The following FGF14 variants were observed in gnomAD, a reference collection of about 807,000 sequenced individuals.
FGF14 encodes the protein fibroblast growth factor 14.
A neutral mutation model predicts 25.5 loss-of-function variants in FGF14; 5 were observed. The ratio of observed to expected loss-of-function variants is 0.20; its 90% confidence interval spans 0.10 to 0.41. The LOEUF (loss-of-function observed/expected upper bound fraction) is 0.41. Among genes scored for constraint, FGF14 ranks in the 10% least tolerant of loss-of-function variants. The pLI is 1.00. For missense variants in FGF14, 222 were observed against 320.1 expected (o/e 0.69, Z 2.34); for synonymous variants, 138 against 118.3 (o/e 1.17, Z -1.08).
At chr13:102,292,278 C>CAAAAAAAAA (rs10593906) in intron 1 of FGF14, 5 of 66,782 alleles carry the variant, frequency 7.5e-5, no homozygotes, top group African/African-American at 2.4e-4. Context: ...TACTCTATAG[C>CAAAAAAAAA]AAAAAAAAAA....
intron 1 of FGF14, among the ~76,000 whole-genome samples, chr13:102,087,575 CTTTTTTTTT>C (rs1166446102): frequency 3.8e-5 from 3 of 79,878 alleles, no homozygotes; most frequent in Admixed American, 1.6e-4. Flanking sequence ...CCATGCCTGG[CTTTTTTTTT>C]TTTTTTTTTT....
intron 1 of FGF14, among the ~76,000 whole-genome samples, chr13:102,083,015 T>G (rs1460264195): frequency 6.6e-6 from 1 of 152,176 alleles, no homozygotes; most frequent in Non-Finnish European, 1.5e-5. Flanking sequence ...ATGAACCAAT[T>G]TTTCTACACA....
At chr13:102,200,603 T>C (rs764352999) in intron 1 of FGF14, among the ~76,000 whole-genome samples, 1 of 133,700 alleles carries the variant, frequency 7.5e-6, no homozygotes, top group African/African-American at 2.9e-5. Context: ...GCAGGTCTTC[T>C]CATTCCCATT....
At position 101,712,267 on chromosome 13, in the gene FGF14, A is replaced by G. The variant is rs1416548719; in HGVS notation, c.*10564T>C. On this transcript the variant is annotated 3_prime_UTR_variant, in exon 5 of 5. Coordinates refer to ENST00000376143, the MANE Select transcript of FGF14 (RefSeq NM_004115.4). ...GCTGACCTAGAAATGCTACTGTTTC[A>G]TGACACATACAAAATCAATCCTCAT... 1 of 152,240 alleles carries G rather than the reference A, an allele frequency of 6.6e-6. No homozygotes were observed. Among genetic ancestry groups the G allele is most frequent in the Non-Finnish European group, 1.5e-5 (1 of 68,046 alleles). 9.4% of individuals were successfully genotyped at this position (152,240 alleles called of 1,614,324 possible).
intron 1 of FGF14, among the ~76,000 whole-genome samples, chr13:102,074,388 C>T (rs547806043): frequency 6.6e-6 from 1 of 152,278 alleles, no homozygotes; most frequent in East Asian, 1.9e-4. Flanking sequence ...ACCCAACTCC[C>T]TACCTGGCGA....
At chr13:102,184,884 G>A (rs965760415) in intron 1 of FGF14, among the ~76,000 whole-genome samples, 8 of 152,068 alleles carry the variant, frequency 5.3e-5, no homozygotes, top group Non-Finnish European at 7.4e-5. Context: ...ATGCACAGAC[G>A]TGCATCATTT....
intron 1 of FGF14, among the ~76,000 whole-genome samples, chr13:102,146,655 T>C (rs2046867328): frequency 6.6e-6 from 1 of 152,164 alleles, no homozygotes; most frequent in African/African-American, 2.4e-5. Flanking sequence ...CAATTCTGAA[T>C]CTCTTAACAT....
intron 3 of FGF14, among the ~76,000 whole-genome samples, chr13:101,835,429 G>A (rs909839127): frequency 7.9e-5 from 12 of 151,932 alleles, no homozygotes; most frequent in African/African-American, 2.4e-4. Flanking sequence ...TCATTTCCCT[G>A]AATATGTTTA....
At chr13:102,319,009 T>C (rs1435723765) in intron 1 of FGF14, among the ~76,000 whole-genome samples, 2 of 152,136 alleles carry the variant, frequency 1.3e-5, no homozygotes, top group African/African-American at 2.4e-5. Context: ...TGAAGACTAT[T>C]GAGGAGAGAA....
intron 1 of FGF14, among the ~76,000 whole-genome samples, chr13:102,156,751 T>C (rs1464750555): frequency 6.6e-6 from 1 of 152,084 alleles, no homozygotes; most frequent in Non-Finnish European, 1.5e-5. Context: ...TGATTGTATA[T>C]CTAGAAAACC....
intron 1 of FGF14, among the ~76,000 whole-genome samples, chr13:102,348,037 A>G (rs1410348612): frequency 2.0e-5 from 3 of 151,992 alleles, no homozygotes; most frequent in Non-Finnish European, 2.9e-5. Flanking sequence ...TGATAAGCAC[A>G]TCTCATGAGG....
At chr13:101,911,603 G>A (rs2032942483) in intron 1 of FGF14, among the ~76,000 whole-genome samples, 1 of 151,832 alleles carries the variant, frequency 6.6e-6, no homozygotes, top group Admixed American at 6.6e-5. Flanking sequence ...TGCCTTTTTT[G>A]TCTCTAACAT....
intron 1 of FGF14, among the ~76,000 whole-genome samples, chr13:102,262,449 GC>G (rs1209668289): frequency 6.6e-6 from 1 of 151,762 alleles, no homozygotes; most frequent in Non-Finnish European, 1.5e-5. Context: ...AAAAACTGGT[GC>G]TACAATTCCT....
At chr13:101,802,640 G>A (rs780700483) in intron 3 of FGF14, among the ~76,000 whole-genome samples, 1 of 152,128 alleles carries the variant, frequency 6.6e-6, no homozygotes, top group Non-Finnish European at 1.5e-5. Context: ...TGGGTGTCTG[G>A]AGCATCCTGA....
chr13:101,768,046 C>T (rs993077104), intron 3 of FGF14, among the ~76,000 whole-genome samples: 1 of 151,846 alleles, frequency 6.6e-6, no homozygotes, highest in Non-Finnish European at 1.5e-5. Flanking sequence ...CTAAAACGAA[C>T]ATAAAAGCAA....
intron 1 of FGF14, among the ~76,000 whole-genome samples, chr13:102,141,370 A>C (rs997911574): frequency 6.6e-6 from 1 of 152,214 alleles, no homozygotes; most frequent in Non-Finnish European, 1.5e-5. Context: ...TGCTACGTTA[A>C]ACAAGACAGT....
At chr13:101,840,667 G>A (rs2043152047) in intron 3 of FGF14, among the ~76,000 whole-genome samples, 1 of 151,908 alleles carries the variant, frequency 6.6e-6, no homozygotes, top group East Asian at 1.9e-4. Context: ...TGTTGTAAAT[G>A]TACTATTTTG....
chr13:102,399,471 T>A (rs2058653161), intron 1 of FGF14, among the ~76,000 whole-genome samples: 1 of 152,230 alleles, frequency 6.6e-6, no homozygotes, highest in Admixed American at 6.5e-5. Context: ...CCCTTCCCAC[T>A]GCAGCCCTTG....
chr13:101,785,721 A>T (rs117878296), intron 3 of FGF14, among the ~76,000 whole-genome samples: 1,659 of 152,264 alleles, frequency 0.011, 11 homozygotes, highest in Non-Finnish European at 0.018. Context: ...ATATGTGTTC[A>T]GAGGGTTTTT....
Sources: gnomAD v4.1 joint callset for allele counts (sites outside exome capture counted in the v4.1 genomes callset) on GRCh38, gnomAD v4.1.1 for gene constraint, MANE v1.5 for transcripts, NCBI Gene and HGNC (gene_info 2026-07-23, HGNC 2026-07-21) for gene names.